PTGES3: variants seen among roughly 807,000 people sequenced by gnomAD.
PTGES3 encodes the protein prostaglandin E synthase 3.
PTGES3 carries 5 observed loss-of-function variants against 29.9 expected under a neutral mutation model. That is an observed-to-expected ratio of 0.17 (90% CI 0.09 to 0.35). PTGES3 has a LOEUF of 0.35. Among genes scored for constraint, PTGES3 ranks in the 10% least tolerant of loss-of-function variants. The probability of loss-of-function intolerance (pLI) is 1.00; values close to 1 mark genes in which losing one functional copy is unlikely to be tolerated. For synonymous variants in PTGES3, 49 were observed against 57.8 expected, an observed-to-expected ratio of 0.85 and a Z score of 0.69; for missense variants, 128 against 190.0, an observed-to-expected ratio of 0.67 and a Z score of 1.92.
chr12:56,683,582 G>A (rs1338104100), intron 1 of PTGES3, among the ~76,000 whole-genome samples: 5 of 150,668 alleles, frequency 3.3e-5, no homozygotes, highest in African/African-American at 9.7e-5. Context: ...CCCAGAAGGC[G>A]GAGGTTGCAG....
intron 5 of PTGES3, among the ~76,000 whole-genome samples, chr12:56,669,429 G>A (rs1045817133): frequency 3.9e-5 from 6 of 151,968 alleles, no homozygotes; most frequent in African/African-American, 7.2e-5. Context: ...GATTACAGGC[G>A]CCCGCCACTG....
chr12:56,670,389 C>T (rs181308546), intron 4 of PTGES3, 25 bp from the exon 5 acceptor site: 2 of 1,521,494 alleles, frequency 1.3e-6, no homozygotes, highest in East Asian at 2.3e-5. Flanking sequence ...AAATATCACC[C>T]TAAGATTAGG....
rs372821442 is a variant in PTGES3, at chr12:56,688,029, G to A, written c.-30C>T. ...AACGGGGCAGGGGGACGGGCGAACT[G>A]GTGGGCGGGCCTCTCTGGCGGCGGC... On this transcript the variant is annotated 5_prime_UTR_variant, in exon 1 of 8. Transcript: ENST00000262033. The A allele has an allele frequency of 4.2e-5, 64 of 1,521,800 alleles. No homozygotes were observed. The highest frequency in any genetic ancestry group is 7.1e-6 in the Non-Finnish European group (8 of 1,133,520). 94.3% of individuals were successfully genotyped at this position (1,521,800 alleles called of 1,614,324 possible). A position where few individuals can be genotyped will look rare whatever the true frequency, so the allele number is the denominator to read the frequency against.
chr12:56,672,653 A>C, intron 3 of PTGES3, 87 bp downstream of exon 3: 1 of 1,385,138 alleles, frequency 7.2e-7, no homozygotes, highest in Non-Finnish European at 9.5e-7. Context: ...TAAGAAAAAC[A>C]GAACTAATGC....
chr12:56,684,289 G>A (rs527582128), intron 1 of PTGES3, among the ~76,000 whole-genome samples: 42 of 152,192 alleles, frequency 2.8e-4, no homozygotes, highest in Non-Finnish European at 2.6e-4. Context: ...TTGCACTCAA[G>A]AAATTTTTCA....
intron 1 of PTGES3, among the ~76,000 whole-genome samples, chr12:56,680,902 A>T (rs550381446): frequency 6.6e-6 from 1 of 151,616 alleles, no homozygotes; most frequent in East Asian, 1.9e-4. Context: ...CTCAGTCTCC[A>T]TGGTGGATGG....
intron 1 of PTGES3, among the ~76,000 whole-genome samples, chr12:56,686,209 GAT>G (rs1555221943): frequency 1.9e-4 from 29 of 152,108 alleles, no homozygotes; most frequent in Non-Finnish European, 4.3e-4. Context: ...TTCGCGAAAA[GAT>G]ATGTTGTTTG....
intron 6 of PTGES3, chr12:56,665,582 C>G: frequency 1.0e-6 from 1 of 985,372 alleles, no homozygotes; most frequent in Non-Finnish European, 1.2e-6. Context: ...GGTCTCTGAC[C>G]AATCCTGACA....
chr12:56,670,432 CG>C, intron 4 of PTGES3, 68 bp from the exon 5 acceptor site: 2 of 1,176,176 alleles, frequency 1.7e-6, no homozygotes, highest in Admixed American at 3.5e-5. Context: ...CTTAAGACTA[CG>C]TTTTCTTTTC....
chr12:56,665,283 T>C, intron 6 of PTGES3: 3 of 660,944 alleles, frequency 4.5e-6, no homozygotes, highest in Non-Finnish European at 5.5e-6. Context: ...CCAATGTCCA[T>C]CTTTTTTTTT....
Position 56,666,212 on chromosome 12 carries a change from C to CTTACA in PTGES3, c.429_430insTGTAA (p.Ala144CysfsTer33). On this transcript the variant is annotated frameshift_variant, in exon 6 of 8. Transcript: ENST00000262033. LOFTEE classifies it high-confidence loss of function. Reference sequence around the variant, plus strand: ...AGAATTTTTAGACTTACATCATCTGCTCCATCTACTTCTGGTAAATCTACA... The same window carrying CTTACA: ...AGAATTTTTAGACTTACATCATCTGCTTACATCCATCTACTTCTGGTAAATCTACA... The CTTACA allele has an allele frequency of 6.2e-7, 1 of 1,610,046 alleles. No homozygotes were observed. The highest frequency in any genetic ancestry group is 8.5e-7 in the Non-Finnish European group (1 of 1,177,850).
At chr12:56,666,097 A>T in intron 6 of PTGES3, 107 bp downstream of exon 6, 3 of 1,373,204 alleles carry the variant, frequency 2.2e-6, no homozygotes, top group East Asian at 2.8e-5. Flanking sequence ...CTTTTTTTTT[A>T]GAAAATAAGA....
chr12:56,671,743 A>G lies in PTGES3; in HGVS notation c.285+6T>C. The G allele has an allele frequency of 6.7e-7, 1 of 1,500,880 alleles. No individual in the cohort carries two copies. The allele number at this position is 1,500,880 out of a possible 1,614,324, so 93.0% of individuals were successfully genotyped here. A position where few individuals can be genotyped will look rare whatever the true frequency, so the allele number is the denominator to read the frequency against. On this transcript the variant is annotated splice_donor_region_variant and intron_variant, in intron 4 of 7. Transcript: ENST00000262033. ...AAACTTTTCAAAAAAGGAAAATGAA[A>G]CCTACCTTTGCCCTTTCTTTTGTTA... is the stretch of plus-strand genomic sequence containing the variant.
rs546163365 is a variant in PTGES3 at position 56,670,948 on chromosome 12, C to CA, written c.286-585dup. ...GTGGATCCTGTATCTGGGGAAAAAA[C>CA]AAAAAAACAAATTTCCTGGGCGTGG... On this transcript the variant is annotated intron_variant, in intron 4 of 7. Transcript: ENST00000262033. Among the ~76,000 whole-genome samples the CA allele has an allele frequency of 1.4e-3, 217 of 152,008 alleles. 1 individual carries two copies. The highest frequency in any genetic ancestry group is 4.5e-3 in the African/African-American group (185 of 41,466).
In PTGES3 at chr12:56,679,527, G is replaced by A. The variant is rs146586625; in HGVS notation, c.3-6462C>T. The stretch of plus-strand genomic sequence containing the variant: ...AGGTGGAAAGTTTTGAATCTATAGG[G>A]ATATTACTATTAAAATGAATTAACA... On this transcript the variant is annotated intron_variant, in intron 1 of 7. Transcript: ENST00000262033. Among the ~76,000 whole-genome samples the A allele has an allele frequency of 1.0e-3, 158 of 152,096 alleles. 2 individuals carry two copies. The East Asian group carries it at 0.022, about 21-fold the overall frequency.
chr12:56,688,217 G>C lies in PTGES3; in HGVS notation c.-218C>G. On this transcript the variant is annotated 5_prime_UTR_variant, in exon 1 of 8. Transcript: ENST00000262033. ...CGGCTCCTCCGGTCGGGGAGAAGAGGAAAGTGTAGGAAAAGGGGCGCGAGG... is the reference window on the plus strand; with the variant it reads ...CGGCTCCTCCGGTCGGGGAGAAGAGCAAAGTGTAGGAAAAGGGGCGCGAGG... 1.3e-6 allele frequency: 1 copy of C among 788,588 alleles called. No individual in the cohort carries two copies. Among genetic ancestry groups the C allele is most frequent in the South Asian group, 2.5e-5 (1 of 40,060 alleles). 48.8% of individuals were successfully genotyped at this position (788,588 alleles called of 1,614,324 possible).
chr12:56,676,311 A>C (rs1565869439), intron 1 of PTGES3, among the ~76,000 whole-genome samples: 1 of 151,884 alleles, frequency 6.6e-6, no homozygotes, highest in Non-Finnish European at 1.5e-5. Context: ...CTTCACAAAA[A>C]GGGACAATAA....
intron 5 of PTGES3, among the ~76,000 whole-genome samples, chr12:56,669,011 T>A (rs912507820): frequency 7.2e-6 from 1 of 138,170 alleles, no homozygotes; most frequent in Non-Finnish European, 1.6e-5. Flanking sequence ...CCATGAATTT[T>A]TTTTTTTTTT....
intron 1 of PTGES3, chr12:56,687,388 C>T (rs1229599597): frequency 1.7e-5 from 17 of 987,414 alleles, no homozygotes; most frequent in Non-Finnish European, 1.9e-5. Context: ...TTTCAAGAGA[C>T]TGGAGTTAGG....
Sources: gnomAD v4.1 joint callset for allele counts (sites outside exome capture counted in the v4.1 genomes callset) on GRCh38, gnomAD v4.1.1 for gene constraint, MANE v1.5 for transcripts, NCBI Gene and HGNC (gene_info 2026-07-23, HGNC 2026-07-21) for gene names.